MIB1: variants seen among roughly 807,000 people sequenced by gnomAD.
MIB1 encodes the protein E3 ubiquitin-protein ligase MIB1.
In MIB1, 278 loss-of-function variants were observed where a neutral mutation model predicts 124.5. That is an observed-to-expected ratio of 2.23 (90% CI 2.02 to 2.47). The LOEUF (loss-of-function observed/expected upper bound fraction) is 2.47, where lower values mean the gene tolerates loss of function less well. MIB1 is among the 30% of genes most tolerant of loss of function. The pLI is 0.00. For synonymous variants in MIB1, 446 were observed against 429.4 expected (o/e 1.04, Z -0.48); for missense variants, 957 against 1,254.4 (o/e 0.76, Z 3.58).
chr18:21,829,724 C>T (rs1238154765), intron 12 of MIB1, among the ~76,000 whole-genome samples: 7 of 152,016 alleles, frequency 4.6e-5, no homozygotes, highest in Non-Finnish European at 1.0e-4. Flanking sequence ...CTGAAGTTTG[C>T]ACTTTGATGC....
intron 13 of MIB1, among the ~76,000 whole-genome samples, chr18:21,841,309 G>A (rs867536074): frequency 6.6e-6 from 1 of 152,220 alleles, no homozygotes; most frequent in African/African-American, 2.4e-5. Flanking sequence ...AGAGGTTGCA[G>A]TGAGCCAGCA....
At chr18:21,820,140 G>C (rs2041865943) in intron 12 of MIB1, among the ~76,000 whole-genome samples, 1 of 152,102 alleles carries the variant, frequency 6.6e-6, no homozygotes, top group South Asian at 2.1e-4. Context: ...AGTATTTGCT[G>C]GTTGACATTT....
At chr18:21,749,628 C>T (rs1010314036) in intron 1 of MIB1, among the ~76,000 whole-genome samples, 1 of 145,488 alleles carries the variant, frequency 6.9e-6, no homozygotes, top group Non-Finnish European at 1.5e-5. Flanking sequence ...TTTCTAATTA[C>T]TGCTACCTTA....
chr18:21,856,755 T>C (rs2146519330), intron 18 of MIB1, among the ~76,000 whole-genome samples: 1 of 152,318 alleles, frequency 6.6e-6, no homozygotes, highest in South Asian at 2.1e-4. Context: ...AAGAAAATTA[T>C]CACGTAAGCA....
chr18:21,773,759 GA>G, intron 4 of MIB1, 31 bp downstream of exon 4: 1 of 1,353,536 alleles, frequency 7.4e-7, no homozygotes, highest in South Asian at 1.3e-5. Context: ...GCAGGTGAAA[GA>G]AAATGTTGGA....
At chr18:21,767,406 C>T (rs1341188502) in intron 2 of MIB1, among the ~76,000 whole-genome samples, 4 of 152,034 alleles carry the variant, frequency 2.6e-5, no homozygotes, top group African/African-American at 9.7e-5. Context: ...TGGAGGTAAC[C>T]GCCCCCATGA....
At chr18:21,813,884 A>G (rs557396877) in intron 10 of MIB1, among the ~76,000 whole-genome samples, 2 of 152,204 alleles carry the variant, frequency 1.3e-5, no homozygotes, top group Non-Finnish European at 2.9e-5. Context: ...TACCAGGATC[A>G]GGGACAGACA....
chr18:21,771,480 AC>A (rs1253809162), intron 3 of MIB1, among the ~76,000 whole-genome samples: 1 of 152,186 alleles, frequency 6.6e-6, no homozygotes, highest in East Asian at 1.9e-4. Flanking sequence ...ACTTTTTGCT[AC>A]AGATTGCATG....
At chr18:21,776,028 A>G (rs2041280876) in intron 4 of MIB1, among the ~76,000 whole-genome samples, 1 of 152,140 alleles carries the variant, frequency 6.6e-6, no homozygotes, top group Admixed American at 6.5e-5. Context: ...GCACCATGGG[A>G]GGCTAAAGCA....
At chr18:21,785,382 A>AGACG (rs1315934000) in intron 6 of MIB1, among the ~76,000 whole-genome samples, 1 of 152,176 alleles carries the variant, frequency 6.6e-6, no homozygotes, top group African/African-American at 2.4e-5. Context: ...TCCGCCCACG[A>AGACG]AGAAAAAAAC....
In MIB1 at chr18:21,781,387, ATATATATATATATATATATATATATAT is replaced by A. The variant is rs2041363008; in HGVS notation, c.908+1703_908+1729del. 3.9e-3 allele frequency among the ~76,000 whole-genome samples: 252 copies of A among 65,022 alleles called. 7 individuals are homozygous for A. The highest frequency in any genetic ancestry group is 0.014 in the African/African-American group (221 of 15,880). The allele number at this position is 65,022 out of a possible 152,430, so 42.7% of individuals were successfully genotyped here. A position where few individuals can be genotyped will look rare whatever the true frequency, so the allele number is the denominator to read the frequency against. On this transcript the variant is annotated intron_variant, in intron 6 of 20. Transcript: ENST00000261537. ...AAGTTATATATATATATATATATAT[ATATATATATATATATATATATATATAT>A]AAAATTATTATTATTATTTTTTGAG...
chr18:21,748,165 A>G (rs911603739), intron 1 of MIB1, among the ~76,000 whole-genome samples: 2 of 152,246 alleles, frequency 1.3e-5, no homozygotes, highest in East Asian at 3.9e-4. Context: ...CCTCAGTATC[A>G]TTCTCTTTTT....
intron 1 of MIB1, among the ~76,000 whole-genome samples, chr18:21,717,201 A>G (rs1403526958): frequency 6.6e-6 from 1 of 152,164 alleles, no homozygotes; most frequent in African/African-American, 2.4e-5. Context: ...AATGTAGGAG[A>G]ATGAAACTGG....
At chr18:21,746,974 A>G (rs1362712587) in intron 1 of MIB1, among the ~76,000 whole-genome samples, 2 of 152,196 alleles carry the variant, frequency 1.3e-5, no homozygotes, top group Non-Finnish European at 2.9e-5. Flanking sequence ...ATCAGAATAG[A>G]GTCCCCTATT....
chr18:21,830,038 A>G lies in MIB1; in HGVS notation c.1830-8327A>G, dbSNP rs554857003. On this transcript the variant is annotated intron_variant, in intron 12 of 20. Coordinates refer to ENST00000261537, the MANE Select transcript of MIB1 (RefSeq NM_020774.4). The stretch of plus-strand genomic sequence containing the variant: ...ACCTCAAGAAATTTTCAGATTTGTC[A>G]AAGGAGGAAAAAAAAGGGCAGGGAT... Among the ~76,000 whole-genome samples, 3 of 152,256 alleles carry G rather than the reference A, an allele frequency of 2.0e-5. No individual in the cohort carries two copies. In the East Asian group the frequency reaches 5.8e-4, roughly 29 times the overall value.
chr18:21,789,227 G>T (rs1449064149), intron 6 of MIB1, among the ~76,000 whole-genome samples: 6 of 151,630 alleles, frequency 4.0e-5, no homozygotes, highest in Admixed American at 3.9e-4. Context: ...TTGTTCCTTG[G>T]CTTGTAGATG....
chr18:21,836,186 T>G (rs2042029604), intron 12 of MIB1, among the ~76,000 whole-genome samples: 1 of 151,724 alleles, frequency 6.6e-6, no homozygotes, highest in Admixed American at 6.6e-5. Flanking sequence ...CCTGGGAGGT[T>G]GAAACTGCAG....
chr18:21,727,188 C>A (rs190307418), intron 1 of MIB1, among the ~76,000 whole-genome samples: 1 of 151,920 alleles, frequency 6.6e-6, no homozygotes, highest in East Asian at 1.9e-4. Flanking sequence ...CAGCTCACTG[C>A]AACTTCTACC....
At chr18:21,852,693 G>T (rs2042190534) in intron 17 of MIB1, among the ~76,000 whole-genome samples, 1 of 152,178 alleles carries the variant, frequency 6.6e-6, no homozygotes, top group Admixed American at 6.5e-5. Flanking sequence ...TGGGTAAACA[G>T]AAAAATCCCT....
Sources: allele counts gnomAD v4.1 joint callset (sites outside exome capture counted in the v4.1 genomes callset), GRCh38; gene constraint gnomAD v4.1.1; transcripts MANE v1.5; gene names NCBI Gene and HGNC (gene_info 2026-07-23, HGNC 2026-07-21).